EZH1: variants seen among roughly 807,000 people sequenced by gnomAD.
The protein encoded by EZH1 is enhancer of zeste 1 polycomb repressive complex 2 subunit, also known as histone-lysine N-methyltransferase EZH1.
EZH1 carries 33 observed loss-of-function variants against 100.5 expected under a neutral mutation model. That is an observed-to-expected ratio of 0.33 (90% CI 0.25 to 0.44). The LOEUF is 0.44. EZH1 is among the 20% of genes least tolerant of loss of function. The probability of loss-of-function intolerance (pLI) is 1.00; values close to 1 mark genes in which losing one functional copy is unlikely to be tolerated. For missense variants in EZH1, 475 were observed against 928.4 expected (o/e 0.51, Z 6.35); for synonymous variants, 272 against 313.8 (o/e 0.87, Z 1.41).
At position 42,703,793 on chromosome 17, in the gene EZH1, C is replaced by G. The variant is rs1246184458; in HGVS notation, c.2045G>C (p.Gly682Ala). Residue 682 changes from glycine (G) to alanine (A), a missense_variant, in exon 19 of 21, where the codon GGA (glycine) becomes GCA (alanine). Physicochemically the swap from Gly to Ala is moderately conservative, Grantham distance 60 (BLOSUM62 0). Coordinates refer to ENST00000428826, the MANE Select transcript of EZH1 (RefSeq NM_001991.5). ...ATGATTTGCAAATCGAATTTTGTTT[C>G]CTTTCCGAGTAGCATCCACTACAAA... ...NDFVVDATRK[G>A]NKIRFANHSV... 1 of 1,613,914 alleles carries G rather than the reference C, an allele frequency of 6.2e-7. No individual in the cohort carries two copies. The highest frequency in any genetic ancestry group is 1.3e-5 in the African/African-American group (1 of 74,938).
At chr17:42,737,327 G>A (rs1310956920) in intron 1 of EZH1, among the ~76,000 whole-genome samples, 2 of 152,226 alleles carry the variant, frequency 1.3e-5, no homozygotes, top group African/African-American at 4.8e-5. Context: ...TAGGGCAGGC[G>A]TGATGGCTCA....
At chr17:42,705,235 G>A (rs748103088) in intron 16 of EZH1, 52 bp from the exon 17 acceptor site, 3 of 1,028,368 alleles carry the variant, frequency 2.9e-6, no homozygotes, top group East Asian at 2.4e-5. Flanking sequence ...TGAGTAGGGG[G>A]TGTGTGCTGG....
chr17:42,717,923 G>T, intron 10 of EZH1, 53 bp downstream of exon 10: 1 of 1,528,062 alleles, frequency 6.5e-7, no homozygotes, highest in Non-Finnish European at 9.1e-7. Context: ...TGGCTCACGT[G>T]GCTTGTGTTC....
rs1267537288 is a variant in EZH1, at chr17:42,702,673, T to C, written c.2184-81A>G. The C allele has an allele frequency of 2.8e-6, 4 of 1,416,410 alleles. No individual in the cohort carries two copies. In the African/African-American group the frequency reaches 4.2e-5, roughly 15 times the overall value. The allele number at this position is 1,416,410 out of a possible 1,614,324, so 87.7% of individuals were successfully genotyped here. ...AAGGCGGAGTCCCCTCCCGTTTCAC[T>C]TCCCCTCCCACTCCTTAAGGGCTGT... On this transcript the variant is annotated intron_variant, in intron 20 of 20. Coordinates refer to ENST00000428826, the MANE Select transcript of EZH1 (RefSeq NM_001991.5).
chr17:42,727,785 T>C (rs980936197), intron 3 of EZH1, 22 bp from the exon 4 acceptor site: 1 of 1,537,246 alleles, frequency 6.5e-7, no homozygotes, highest in East Asian at 2.5e-5. Context: ...ATGGAAAAGA[T>C]TAAGATATAT....
chr17:42,733,991 T>G (rs948077342), intron 1 of EZH1, among the ~76,000 whole-genome samples: 1 of 147,766 alleles, frequency 6.8e-6, no homozygotes, highest in African/African-American at 2.5e-5. Context: ...AACAACAAAA[T>G]TTAACCCATT....
At chr17:42,743,079 G>A (rs963242146) in intron 1 of EZH1, among the ~76,000 whole-genome samples, 10 of 152,140 alleles carry the variant, frequency 6.6e-5, no homozygotes, top group East Asian at 1.9e-4. Context: ...ATGTTGCCCA[G>A]GCAGCTCTCG....
Position 42,718,570 on chromosome 17 carries a change from T to A in EZH1, c.815A>T (p.Gln272Leu). Residue 272 changes from glutamine to leucine, a missense_variant, in exon 9 of 21, where the codon CAG becomes CTG. This residue lies in a region of EZH1 where 180 missense variants were observed against 295.3 expected (regional missense o/e 0.61). Transcript: ENST00000428826. The surrounding 1 kb of genome is among the most constrained non-coding windows in gnomAD (Gnocchi z 4.2). Reference protein sequence around the residue: ...EMSDPNALPPQCTPNIDGPNA... With the variant: ...EMSDPNALPPLCTPNIDGPNA... ...GGGGCCATCGATGTTGGGTGTGCAC[T>A]GAGGGGGAAGTGCATTGGGGTCTGA... is the stretch of plus-strand genomic sequence containing the variant. The A allele has an allele frequency of 6.2e-7, 1 of 1,614,194 alleles. No homozygotes were observed. The highest frequency in any genetic ancestry group is 8.5e-7 in the Non-Finnish European group (1 of 1,180,024).
At position 42,702,978 on chromosome 17, in the gene EZH1, C is replaced by A. The variant is rs1438006923; in HGVS notation, c.2099-17G>T. ...CCATGACCACTGCAAGCAGGATAAA[C>A]CCGAGGCTAGGTTCCTACCCAACTC... On this transcript the variant is annotated splice_polypyrimidine_tract_variant and intron_variant, in intron 19 of 20. Coordinates refer to ENST00000428826, the MANE Select transcript of EZH1 (RefSeq NM_001991.5). The A allele has an allele frequency of 6.2e-6, 10 of 1,613,730 alleles. No homozygotes were observed. Among genetic ancestry groups the A allele is most frequent in the Non-Finnish European group, 8.5e-6 (10 of 1,179,874 alleles).
At chr17:42,719,557 T>G (rs1383177666) in intron 7 of EZH1, among the ~76,000 whole-genome samples, 2 of 152,054 alleles carry the variant, frequency 1.3e-5, no homozygotes, top group African/African-American at 4.8e-5. Context: ...GCCAACATGG[T>G]AAAACCCCAA....
chr17:42,726,255 A>C (rs1165888246), intron 4 of EZH1, among the ~76,000 whole-genome samples: 1 of 125,618 alleles, frequency 8.0e-6, no homozygotes, highest in Non-Finnish European at 1.6e-5. Context: ...GCTGTCGCCC[A>C]GGCTGGAGAT....
intron 1 of EZH1, among the ~76,000 whole-genome samples, chr17:42,736,656 G>C (rs1159267594): frequency 6.6e-6 from 1 of 152,022 alleles, no homozygotes; most frequent in African/African-American, 2.4e-5. Context: ...CCAACATGGT[G>C]AAACCTCATC....
chr17:42,739,136 C>A lies in EZH1; in HGVS notation c.-103+5875G>T, dbSNP rs919162255. Among the ~76,000 whole-genome samples the A allele has an allele frequency of 9.9e-5, 15 of 152,198 alleles. No individual in the cohort carries two copies. The South Asian group carries it at 3.1e-3, about 32-fold the overall frequency. Reference sequence around the variant, plus strand: ...TTGAAACCTGAATGATAGGGGTGAACCTATCCCTGCAAAGAGCTCTAGTAA... The same window carrying A: ...TTGAAACCTGAATGATAGGGGTGAAACTATCCCTGCAAAGAGCTCTAGTAA... On this transcript the variant is annotated intron_variant, in intron 1 of 20. Coordinates refer to ENST00000428826, the MANE Select transcript of EZH1 (RefSeq NM_001991.5).
At chr17:42,704,089 A>G (rs563037333) in intron 18 of EZH1, among the ~76,000 whole-genome samples, 283 of 152,254 alleles carry the variant, frequency 1.9e-3, no homozygotes, top group African/African-American at 6.4e-3. Context: ...CAGCACTCCT[A>G]TTACAAACAG....
At chr17:42,744,779 G>A (rs1480331956) in intron 1 of EZH1, among the ~76,000 whole-genome samples, 4 of 141,360 alleles carry the variant, frequency 2.8e-5, no homozygotes, top group African/African-American at 1.0e-4. Context: ...CGGGCACACA[G>A]CCCTCGCAGC....
chr17:42,709,327 G>A (rs1382840366), intron 13 of EZH1: 3 of 217,722 alleles, frequency 1.4e-5, no homozygotes, highest in South Asian at 9.8e-5. Flanking sequence ...CTGAAAGGGA[G>A]GAGCCACAGG....
At chr17:42,722,679 T>C in intron 6 of EZH1, 116 bp downstream of exon 6, 1 of 978,108 alleles carries the variant, frequency 1.0e-6, no homozygotes, top group Non-Finnish European at 1.5e-6. Context: ...CATTGAAATA[T>C]TCTGCAGTGT....
intron 6 of EZH1, among the ~76,000 whole-genome samples, chr17:42,721,693 A>G (rs1426392234): frequency 6.6e-6 from 1 of 151,702 alleles, no homozygotes; most frequent in South Asian, 2.1e-4. Context: ...AAAAAAAAAG[A>G]AAGAAAGAAA....
chr17:42,728,602 C>A (rs1469408698), intron 3 of EZH1, among the ~76,000 whole-genome samples: 1 of 151,074 alleles, frequency 6.6e-6, no homozygotes, highest in Non-Finnish European at 1.5e-5. Context: ...ATTAGCCGGG[C>A]GTGGTGGCAG....
Sources: gnomAD v4.1 joint callset for allele counts (sites outside exome capture counted in the v4.1 genomes callset) on GRCh38, gnomAD v4.1.1 for gene constraint, gnomAD v4.1.1 regional missense constraint, Gnocchi (gnomAD v3.1) non-coding constraint, MANE v1.5 for transcripts, NCBI Gene and HGNC (gene_info 2026-07-23, HGNC 2026-07-21) for gene names.